Variants in ALG14 observed in about 807,000 individuals in gnomAD.
ALG14 encodes UDP-N-acetylglucosamine transferase subunit ALG14.
A neutral mutation model predicts 22.8 loss-of-function variants in ALG14; 17 were observed. That is an observed-to-expected ratio of 0.75 (90% confidence interval 0.51 to 1.12). ALG14 has a LOEUF of 1.12. Among genes scored for constraint, ALG14 ranks in the 50% most tolerant of loss-of-function variants. ALG14 has a pLI of 0.00. For synonymous variants in ALG14, 89 were observed against 103.7 expected, an observed-to-expected ratio of 0.86 and a Z score of 0.86; for missense variants, 288 against 271.8, an observed-to-expected ratio of 1.06 and a Z score of -0.42.
At chr1:95,034,081 C>T (rs771641152) in intron 2 of ALG14, among the ~76,000 whole-genome samples, 1 of 152,188 alleles carries the variant, frequency 6.6e-6, no homozygotes, top group African/African-American at 2.4e-5. Context: ...GTGTCAGACT[C>T]ACTCCTTCCT....
At position 94,982,491 on chromosome 1, in the gene ALG14, A is replaced by C. The variant is rs1557935819; in HGVS notation, c.*585T>G. On this transcript the variant is annotated 3_prime_UTR_variant, in exon 4 of 4. Coordinates refer to ENST00000370205, the MANE Select transcript of ALG14 (RefSeq NM_144988.4). ...TACTCAAAAAGCAAGACTGAAGTACAAAAAATGATACTGGTTTATGCTCAA... is the reference window on the plus strand; with the variant it reads ...TACTCAAAAAGCAAGACTGAAGTACCAAAAATGATACTGGTTTATGCTCAA... The C allele has an allele frequency of 6.6e-6, 1 of 152,570 alleles. No homozygotes were observed. Among genetic ancestry groups the C allele is most frequent in the African/African-American group, 2.4e-5 (1 of 41,430 alleles). The allele number at this position is 152,570 out of a possible 1,614,324, so 9.5% of individuals were successfully genotyped here. A position where few individuals can be genotyped will look rare whatever the true frequency, so the allele number is the denominator to read the frequency against.
intron 3 of ALG14, among the ~76,000 whole-genome samples, chr1:94,985,990 A>C (rs536718732): frequency 6.6e-6 from 1 of 152,310 alleles, no homozygotes; most frequent in South Asian, 2.1e-4. Flanking sequence ...CAGCCTAGGC[A>C]AAAAAATAAA....
chr1:95,056,064 G>A (rs1674924028), intron 2 of ALG14, among the ~76,000 whole-genome samples: 2 of 150,986 alleles, frequency 1.3e-5, no homozygotes, highest in South Asian at 4.2e-4. Flanking sequence ...GAAGGATAAA[G>A]CTAAGGGAGT....
At position 94,982,015 on chromosome 1, in the gene ALG14, G is replaced by A. The variant is rs188250905; in HGVS notation, c.*1061C>T. 3 of 151,836 alleles carry A rather than the reference G, an allele frequency of 2.0e-5. No individual in the cohort carries two copies. The highest frequency in any genetic ancestry group is 2.0e-4 in the Admixed American group (3 of 15,256). 9.4% of individuals were successfully genotyped at this position (151,836 alleles called of 1,614,324 possible). A position where few individuals can be genotyped will look rare whatever the true frequency, so the allele number is the denominator to read the frequency against. On this transcript the variant is annotated 3_prime_UTR_variant, in exon 4 of 4. Transcript: ENST00000370205. ...GAAACTGGCCCCACTAAGAAGTCAG[G>A]TTTACCTGAACTTGAATTCTGGCTT... is the stretch of plus-strand genomic sequence containing the variant.
chr1:95,072,694 A>AGCGTCGCGGTGCACTCTG, intron 1 of ALG14, 69 bp downstream of exon 1: 1 of 1,582,342 alleles, frequency 6.3e-7, no homozygotes, highest in Non-Finnish European at 8.6e-7. Context: ...ACCAGGGAAG[A>AGCGTCGCGGTGCACTCTG]GCGTCGCGGT....
rs13343085 is a variant in ALG14 at position 94,977,077 on chromosome 1, T to C, written c.*5999A>G. On this transcript the variant is annotated 3_prime_UTR_variant, in exon 4 of 4. Coordinates refer to ENST00000370205, the MANE Select transcript of ALG14 (RefSeq NM_144988.4). The stretch of plus-strand genomic sequence containing the variant: ...TTTTGAGATCTTGAGCAGAAAACCT[T>C]CTTTGCCTGGATTTCTAACCTACAG... 1,337 of 152,362 alleles carry C rather than the reference T, an allele frequency of 8.8e-3. 15 individuals are homozygous for C. The highest frequency in any genetic ancestry group is 0.03 in the African/African-American group (1,265 of 41,572). 9.4% of individuals were successfully genotyped at this position (152,362 alleles called of 1,614,324 possible). A position where few individuals can be genotyped will look rare whatever the true frequency, so the allele number is the denominator to read the frequency against.
intron 2 of ALG14, among the ~76,000 whole-genome samples, chr1:95,064,105 T>C (rs892982573): frequency 1.3e-5 from 2 of 152,328 alleles, no homozygotes; most frequent in African/African-American, 4.8e-5. Flanking sequence ...TGTATAGGAA[T>C]GCTAGTGATT....
chr1:95,038,716 G>GTGT lies in ALG14; in HGVS notation c.289-11457_289-11456insACA, dbSNP rs1674281451. On this transcript the variant is annotated intron_variant, in intron 2 of 3. Coordinates refer to ENST00000370205, the MANE Select transcript of ALG14 (RefSeq NM_144988.4). ...AAAAAACAAAGTGATAAACTATAAG[G>GTGT]TTTTTTTTTTTTTTTTTTTTGAGAC... 1.3e-4 allele frequency among the ~76,000 whole-genome samples: 16 copies of GTGT among 121,482 alleles called. No individual in the cohort carries two copies. In the South Asian group the frequency reaches 3.4e-3, roughly 26 times the overall value. 79.7% of individuals were successfully genotyped at this position (121,482 alleles called of 152,430 possible).
rs1019513863 is a variant in ALG14 at position 95,063,103 on chromosome 1, G to A, written c.288+1763C>T. On this transcript the variant is annotated intron_variant, in intron 2 of 3. Coordinates refer to ENST00000370205, the MANE Select transcript of ALG14 (RefSeq NM_144988.4). Reference sequence around the variant, plus strand: ...GTTGGCTGCATGAATGTCTTCTTTTGAGAAGTGTCTGTTCATGTCCTTTGC... The same window carrying A: ...GTTGGCTGCATGAATGTCTTCTTTTAAGAAGTGTCTGTTCATGTCCTTTGC... Among the ~76,000 whole-genome samples the A allele has an allele frequency of 5.3e-5, 8 of 152,260 alleles. No individual in the cohort carries two copies. In the South Asian group the frequency reaches 1.7e-3, roughly 32 times the overall value.
intron 1 of ALG14, among the ~76,000 whole-genome samples, chr1:95,065,644 G>A (rs1413890221): frequency 6.6e-6 from 1 of 152,164 alleles, no homozygotes; most frequent in Non-Finnish European, 1.5e-5. Context: ...AAGGTTCTAT[G>A]TAGAGAAGTA....
intron 3 of ALG14, among the ~76,000 whole-genome samples, chr1:95,006,448 G>A (rs1280878382): frequency 6.6e-6 from 1 of 152,120 alleles, no homozygotes; most frequent in Non-Finnish European, 1.5e-5. Flanking sequence ...TATATAAATT[G>A]AATTGAATAC....
intron 3 of ALG14, among the ~76,000 whole-genome samples, chr1:94,999,412 C>T (rs958377475): frequency 4.5e-5 from 6 of 133,382 alleles, no homozygotes; most frequent in East Asian, 2.3e-4. Context: ...AATGGTTAGA[C>T]GTAATTATGA....
chr1:95,017,140 C>G (rs1200547756), intron 3 of ALG14, among the ~76,000 whole-genome samples: 1 of 152,024 alleles, frequency 6.6e-6, no homozygotes, highest in African/African-American at 2.4e-5. Flanking sequence ...AGGCAGGAGG[C>G]CCTGATGAGT....
intron 3 of ALG14, among the ~76,000 whole-genome samples, chr1:94,998,631 T>C (rs1357319068): frequency 2.6e-5 from 4 of 152,192 alleles, no homozygotes; most frequent in African/African-American, 9.7e-5. Flanking sequence ...AGTATAACAA[T>C]AAAGTACAGA....
chr1:94,989,645 G>A (rs972804465), intron 3 of ALG14, among the ~76,000 whole-genome samples: 1 of 152,206 alleles, frequency 6.6e-6, no homozygotes, highest in Non-Finnish European at 1.5e-5. Context: ...TCACTGTCCA[G>A]CAACAGTAGC....
rs1213160139 is a variant in ALG14, at chr1:95,039,439, G to C, written c.289-12179C>G. ...AGCAGCACTAAGGTAGAGGAATGGA[G>C]ATGACAAGCAGTGAGAAGGGAGATT... On this transcript the variant is annotated intron_variant, in intron 2 of 3. Coordinates refer to ENST00000370205, the MANE Select transcript of ALG14 (RefSeq NM_144988.4). 1.3e-5 allele frequency among the ~76,000 whole-genome samples: 2 copies of C among 152,142 alleles called. 1 individual carries two copies.
At chr1:95,044,817 C>G (rs1175231406) in intron 2 of ALG14, among the ~76,000 whole-genome samples, 1 of 151,950 alleles carries the variant, frequency 6.6e-6, no homozygotes. Context: ...TCCCAACTAT[C>G]TATAATATTG....
chr1:95,056,004 G>A (rs1484920415), intron 2 of ALG14, among the ~76,000 whole-genome samples: 2 of 137,270 alleles, frequency 1.5e-5, no homozygotes, highest in Non-Finnish European at 3.1e-5. Context: ...GTGAGACTCT[G>A]TCTCAAAAAA....
At chr1:95,050,324 C>A (rs1674702785) in intron 2 of ALG14, among the ~76,000 whole-genome samples, 1 of 152,134 alleles carries the variant, frequency 6.6e-6, no homozygotes, top group African/African-American at 2.4e-5. Context: ...GAAATTGCAA[C>A]TTACACAATT....
Sources: allele counts gnomAD v4.1 joint callset (sites outside exome capture counted in the v4.1 genomes callset), GRCh38; gene constraint gnomAD v4.1.1; transcripts MANE v1.5; gene names NCBI Gene and HGNC (gene_info 2026-07-23, HGNC 2026-07-21).